Variants in CFAP74 observed in about 807,000 individuals in gnomAD.
CFAP74 encodes cilia- and flagella-associated protein 74.
A neutral mutation model predicts 188.9 loss-of-function variants in CFAP74; 124 were observed. The observed-to-expected ratio is 0.66, with a 90% CI of 0.57 to 0.76. The LOEUF is 0.76. Ranked by LOEUF, CFAP74 falls within the 30% of genes least tolerant of loss-of-function variation. The pLI, the probability that CFAP74 is intolerant of heterozygous loss-of-function variation, is 0.00. For synonymous variants in CFAP74, 956 were observed against 916.7 expected (o/e 1.04, Z -0.77); for missense variants, 2,198 against 2,165.2 (o/e 1.02, Z -0.30).
intron 18 of CFAP74, among the ~76,000 whole-genome samples, chr1:1,953,141 AG>A (rs1253208583): frequency 7.9e-5 from 12 of 152,330 alleles, no homozygotes; most frequent in African/African-American, 2.4e-4. Flanking sequence ...AAAAGAACAA[AG>A]TTGGGTGACT....
At chr1:1,994,438 T>C (rs116537963) in intron 1 of CFAP74, among the ~76,000 whole-genome samples, 11 of 152,330 alleles carry the variant, frequency 7.2e-5, no homozygotes, top group Non-Finnish European at 1.6e-4. Context: ...AAATTATTAA[T>C]GTATCAATGC....
chr1:1,974,706 G>A (rs1015508567), intron 6 of CFAP74, among the ~76,000 whole-genome samples: 1 of 152,260 alleles, frequency 6.6e-6, no homozygotes, highest in Admixed American at 6.5e-5. Context: ...CTGACCCCTG[G>A]TCTTGGGCGA....
rs752713681 is a variant in CFAP74, at chr1:1,972,095, A to G, written c.786-13T>C. ...TTGCTCTCGGATTCTGAGGAAGGAC[A>G]TTTAAACATTTTTGAGGCTCTGTCG... On this transcript the variant is annotated splice_polypyrimidine_tract_variant and intron_variant, in intron 8 of 38. Transcript: ENST00000682832. The G allele has an allele frequency of 3.7e-5, 60 of 1,601,772 alleles. No homozygotes were observed. The highest frequency in any genetic ancestry group is 4.9e-5 in the Non-Finnish European group (57 of 1,172,196).
intron 17 of CFAP74, 125 bp downstream of exon 17, chr1:1,956,495 C>T (rs566517909): frequency 2.5e-6 from 3 of 1,176,924 alleles, no homozygotes; most frequent in African/African-American, 3.0e-5. Context: ...AGGAGGCCCC[C>T]ACACTGCCCT....
chr1:1,993,749 GAGGC>G (rs1553234959), intron 1 of CFAP74, among the ~76,000 whole-genome samples: 14 of 151,810 alleles, frequency 9.2e-5, no homozygotes, highest in African/African-American at 9.7e-5. Context: ...TTGGGAGGCC[GAGGC>G]AGGTGGATCA....
In CFAP74 at chr1:1,927,754, G is replaced by C; in HGVS notation, c.3388-8C>G. 1.3e-6 allele frequency: 2 copies of C among 1,548,888 alleles called. No individual in the cohort carries two copies. Among genetic ancestry groups the C allele is most frequent in the Non-Finnish European group, 1.7e-6 (2 of 1,146,090 alleles). ...GGCCATATTCTTTCGGAACTGTGGG[G>C]GGAGCGACTGGCTGTGGGGCTGTGC... On this transcript the variant is annotated splice_region_variant and splice_polypyrimidine_tract_variant and intron_variant, in intron 27 of 38. Transcript: ENST00000682832.
At chr1:1,926,398 G>A (rs1651899800) in intron 31 of CFAP74, 51 bp from the exon 32 acceptor site, 10 of 1,550,052 alleles carry the variant, frequency 6.5e-6, no homozygotes, top group Admixed American at 5.9e-5. Flanking sequence ...GCTCTACCAC[G>A]CCCTCCCCGG....
rs774748510 is a variant in CFAP74, at chr1:1,974,074, C to T, written c.625G>A (p.Glu209Lys). Residue 209 changes from glutamate (E) to lysine (K), a missense_variant, in exon 7 of 39, where the codon GAG becomes AAG. Glu to Lys is a moderately conservative substitution (Grantham distance 56). Coordinates refer to ENST00000682832, the MANE Select transcript of CFAP74 (RefSeq NM_001304360.2). ...TCCACCTTCCCCAGGGCCTCCTGCT[C>T]TCTGCAGAGCTGCTCGGCTGCGCGC... The part of the protein sequence containing the change: ...QVRAAEQLCR[E>K]QEALGKVERN... 9.3e-6 allele frequency: 15 copies of T among 1,607,260 alleles called. No homozygotes were observed. The Admixed American group carries it at 1.5e-4, about 16-fold the overall frequency.
At chr1:1,946,912 T>C in intron 19 of CFAP74, 78 bp downstream of exon 19, 1 of 1,147,618 alleles carries the variant, frequency 8.7e-7, no homozygotes, top group Admixed American at 2.0e-5. Flanking sequence ...GCCAGTGGGT[T>C]GGGGTGCAGC....
At chr1:1,943,549 G>A (rs1361164341) in intron 21 of CFAP74, among the ~76,000 whole-genome samples, 1 of 152,216 alleles carries the variant, frequency 6.6e-6, no homozygotes, top group African/African-American at 2.4e-5. Flanking sequence ...GCCCAGCCTC[G>A]CCGTCCCTCT....
chr1:1,988,828 C>CCACCCCCACCCCCACCCCCACCCCCCCA (rs1657401442), intron 3 of CFAP74, 61 bp downstream of exon 3: 2 of 425,206 alleles, frequency 4.7e-6, no homozygotes, highest in Non-Finnish European at 8.4e-6. Flanking sequence ...ACCCACCCCC[C>CCACCCCCACCCCCACCCCCACCCCCCCA]CACCCCCACC....
Position 1,972,995 on chromosome 1 carries a change from C to T in CFAP74, c.727G>A (p.Glu243Lys). 1 of 1,614,036 alleles carries T rather than the reference C, an allele frequency of 6.2e-7. No individual in the cohort carries two copies. Among genetic ancestry groups the T allele is most frequent in the Non-Finnish European group, 8.5e-7 (1 of 1,180,018 alleles). The change falls in exon 8 of 39, where the codon GAG becomes AAG. Residue 243 changes from glutamate (E) to lysine (K), a missense_variant. Glu to Lys is a moderately conservative substitution (Grantham distance 56). Coordinates refer to ENST00000682832, the MANE Select transcript of CFAP74 (RefSeq NM_001304360.2). ...ACCTTGTGGTTCTTCCGGGCGTCCT[C>T]CAGCAGCTTCTGGTGCCTGAGCCCG... ...ELGLRHQKLL[E>K]DARKNHKVAV... is the part of the protein sequence containing the mutation.
rs762474702 is a variant in CFAP74, at chr1:1,922,721, G to C, written c.4686C>G (p.Thr1562=). The C allele has an allele frequency of 1.2e-6, 2 of 1,602,794 alleles. No individual in the cohort carries two copies. The highest frequency in any genetic ancestry group is 1.7e-5 in the Admixed American group (1 of 59,546). ...CGACGCTGTCTATGCTGAACTCAAC[G>C]GTCTGTGGGGTATGGGGCTCCTGTA... The part of the protein sequence containing the change: ...IRTTQPSPKK[T]VEFSIDSVAS... The change falls in exon 38 of 39, where the codon ACC becomes ACG. Residue 1562 remains threonine (T), a splice_region_variant and synonymous_variant. Transcript: ENST00000682832.
intron 4 of CFAP74, 64 bp downstream of exon 4, chr1:1,988,448 C>A: frequency 6.3e-7 from 1 of 1,591,444 alleles, no homozygotes. Context: ...ACCCCTGCTG[C>A]ACCCATGTCA....
chr1:1,941,340 G>A (rs1474188234), intron 22 of CFAP74, among the ~76,000 whole-genome samples: 2 of 152,208 alleles, frequency 1.3e-5, no homozygotes, highest in South Asian at 2.1e-4. Context: ...GTCCCGGCCC[G>A]GATGCTGAGG....
intron 18 of CFAP74, among the ~76,000 whole-genome samples, chr1:1,949,101 C>T (rs1654036836): frequency 7.5e-6 from 1 of 132,912 alleles, no homozygotes; most frequent in Admixed American, 7.6e-5. Context: ...TCCCTCCTTT[C>T]CTTCCTTCCT....
rs1486740598 is a variant in CFAP74 at position 1,986,793 on chromosome 1, T to C, written c.395+144A>G. The C allele has an allele frequency of 1.4e-5, 9 of 662,144 alleles. No individual in the cohort carries two copies. In the East Asian group the frequency reaches 2.4e-4, roughly 18 times the overall value. The allele number at this position is 662,144 out of a possible 1,614,324, so 41.0% of individuals were successfully genotyped here. ...CAGCAGTGCCGACCTCACATGCTTC[T>C]GCATGTTCGTGTTGTGGCCTCACAC... On this transcript the variant is annotated intron_variant, in intron 5 of 38. Coordinates refer to ENST00000682832, the MANE Select transcript of CFAP74 (RefSeq NM_001304360.2).
chr1:1,938,705 T>C, intron 25 of CFAP74, 150 bp downstream of exon 25: 1 of 883,268 alleles, frequency 1.1e-6, no homozygotes, highest in South Asian at 1.8e-5. Context: ...AGGTTTGAGG[T>C]TCCTGCTGGC....
At position 1,942,363 on chromosome 1, in the gene CFAP74, T is replaced by C. The variant is rs1301830654; in HGVS notation, c.2487-207A>G. Among the ~76,000 whole-genome samples the C allele has an allele frequency of 6.6e-6, 1 of 152,202 alleles. No individual in the cohort carries two copies. The highest frequency in any genetic ancestry group is 1.9e-4 in the East Asian group (1 of 5,190). ...GGGCTGTTTTTTCTGAAATGAAATC[T>C]GATGAAGAATTCTTAAAAATAACCA... On this transcript the variant is annotated intron_variant, in intron 21 of 38. Transcript: ENST00000682832. The surrounding 1 kb of genome is among the most constrained non-coding windows in gnomAD (Gnocchi z 4.3).
Sources: gnomAD v4.1 joint callset for allele counts (sites outside exome capture counted in the v4.1 genomes callset) on GRCh38, gnomAD v4.1.1 for gene constraint, Gnocchi (gnomAD v3.1) non-coding constraint, MANE v1.5 for transcripts, NCBI Gene and HGNC (gene_info 2026-07-23, HGNC 2026-07-21) for gene names.